The following SI variants were observed in gnomAD, a reference collection of about 807,000 sequenced individuals.
SI encodes the protein sucrase-isomaltase.
In SI, 235 loss-of-function variants were observed where a neutral mutation model predicts 253.3. The observed-to-expected ratio is 0.93, with a 90% CI of 0.83 to 1.03. The LOEUF is 1.03. Ranked by LOEUF, SI falls within the 50% of genes least tolerant of loss-of-function variation. The pLI is 0.00. For missense variants in SI, 2,442 were observed against 2,211.1 expected (o/e 1.10, Z -2.09); for synonymous variants, 819 against 712.0 (o/e 1.15, Z -2.39).
chr3:165,005,030 T>C (rs1290720356), intron 37 of SI, among the ~76,000 whole-genome samples: 1 of 152,112 alleles, frequency 6.6e-6, no homozygotes, highest in Non-Finnish European at 1.5e-5. Flanking sequence ...TATCTCTGTC[T>C]CCTAAAGTCA....
rs769716731 is a variant in SI at position 165,006,904 on chromosome 3, C to T, written c.4318G>A (p.Ala1440Thr). The T allele has an allele frequency of 5.0e-6, 8 of 1,611,702 alleles. No individual in the cohort carries two copies. The highest frequency in any genetic ancestry group is 5.9e-6 in the Non-Finnish European group (7 of 1,178,260). The change falls in exon 37 of 48, where the codon GCT becomes ACT. Residue 1440 changes from alanine to threonine, a missense_variant. Coordinates refer to ENST00000264382, the MANE Select transcript of SI (RefSeq NM_001041.4). Reference protein sequence around the residue: ...GLHFRTICMEAEQILSDGTSV... With the variant: ...GLHFRTICMETEQILSDGTSV... ...GTTCCATCACTAAGAATCTGCTCAGCTTCCATGCAAATTGTTCTGAAATGT... is the reference window on the plus strand; with the variant it reads ...GTTCCATCACTAAGAATCTGCTCAGTTTCCATGCAAATTGTTCTGAAATGT...
Position 165,030,842 on chromosome 3 carries a change from A to C in SI, c.2762T>G (p.Leu921Arg). 1 of 1,571,942 alleles carries C rather than the reference A, an allele frequency of 6.4e-7. No individual in the cohort carries two copies. The highest frequency in any genetic ancestry group is 8.6e-7 in the Non-Finnish European group (1 of 1,156,492). Residue 921 changes from leucine to arginine, a missense_variant, in exon 25 of 48, where the codon CTT becomes CGT. Transcript: ENST00000264382. ...NQVLLIADLK[L>R]NLGRNFSVQW... is the part of the protein sequence containing the mutation. ...AACACTAAAGTTTCTTCCAAGATTA[A>C]GTTTGAGATCTGCAATTAGGAGAAC...
intron 46 of SI, 35 bp downstream of exon 46, chr3:164,982,967 C>A (rs1158405822): frequency 1.9e-6 from 3 of 1,541,174 alleles, no homozygotes; most frequent in South Asian, 2.2e-5. Flanking sequence ...TTCAAATATT[C>A]CTTAACAGAA....
chr3:165,019,474 G>C, intron 28 of SI, 128 bp downstream of exon 28: 8 of 872,074 alleles, frequency 9.2e-6, no homozygotes, highest in Non-Finnish European at 1.3e-5. Flanking sequence ...TGCTATAGCT[G>C]CTCTGGAGAT....
At chr3:165,036,887 T>TA (rs1010553748) in intron 21 of SI, among the ~76,000 whole-genome samples, 39 of 151,880 alleles carry the variant, frequency 2.6e-4, no homozygotes, top group African/African-American at 8.4e-4. Flanking sequence ...GATTAAAATT[T>TA]AAAAAAAGTT....
intron 26 of SI, among the ~76,000 whole-genome samples, chr3:165,022,830 C>T (rs999743719): frequency 2.0e-5 from 3 of 151,548 alleles, no homozygotes; most frequent in African/African-American, 7.3e-5. Context: ...TATGAAAATA[C>T]TTTAAAAGCA....
In SI at chr3:165,019,688, C is replaced by CAT; in HGVS notation, c.3335_3336dup (p.Gly1113MetfsTer15). The CAT allele has an allele frequency of 6.2e-7, 1 of 1,612,522 alleles. No individual in the cohort carries two copies. Among genetic ancestry groups the CAT allele is most frequent in the Non-Finnish European group, 8.5e-7 (1 of 1,179,024 alleles). The stretch of plus-strand genomic sequence containing the variant: ...GCTGTATGTTCCACTTCCCCAAAAC[C>CAT]ATATATATATTCTGATGGCAGGCGA... On this transcript the variant is annotated frameshift_variant, in exon 28 of 48. Coordinates refer to ENST00000264382, the MANE Select transcript of SI (RefSeq NM_001041.4). LOFTEE classifies it high-confidence loss of function.
At chr3:165,036,814 C>G (rs1462033806) in intron 21 of SI, among the ~76,000 whole-genome samples, 5 of 151,576 alleles carry the variant, frequency 3.3e-5, no homozygotes, top group African/African-American at 4.8e-5. Context: ...TAAGGCTCAA[C>G]TCAACCTGTG....
intron 22 of SI, among the ~76,000 whole-genome samples, chr3:165,033,665 C>T (rs1366398764): frequency 6.6e-6 from 1 of 151,274 alleles, no homozygotes; most frequent in Non-Finnish European, 1.5e-5. Context: ...ACATATTTGC[C>T]TTGCTTATTT....
At chr3:164,994,130 T>C (rs903574726) in intron 41 of SI, 127 bp downstream of exon 41, 1 of 757,512 alleles carries the variant, frequency 1.3e-6, no homozygotes. Flanking sequence ...TAATAAAAAA[T>C]GTGTGCTAAT....
At chr3:165,075,843 A>C (rs1714925985) in intron 2 of SI, 52 bp downstream of exon 2, 1 of 1,064,620 alleles carries the variant, frequency 9.4e-7, no homozygotes, top group African/African-American at 1.5e-5. Context: ...TTGTGGAGTA[A>C]CTTCCTCCTA....
intron 17 of SI, 43 bp from the exon 18 acceptor site, chr3:165,041,137 T>A (rs1576903881): frequency 6.3e-7 from 1 of 1,574,906 alleles, no homozygotes; most frequent in East Asian, 2.2e-5. Context: ...AGCTAAAGTA[T>A]GAGTGAAAAT....
chr3:165,060,991 A>G (rs1000127530), intron 9 of SI, among the ~76,000 whole-genome samples: 2 of 151,240 alleles, frequency 1.3e-5, no homozygotes, highest in Non-Finnish European at 3.0e-5. Context: ...ATGAAATACT[A>G]AACTTATTTC....
intron 34 of SI, among the ~76,000 whole-genome samples, chr3:165,012,112 A>G (rs1036750770): frequency 6.6e-5 from 10 of 152,122 alleles, no homozygotes; most frequent in African/African-American, 2.4e-4. Flanking sequence ...AATGTTTAGG[A>G]TGTTATACTG....
intron 16 of SI, among the ~76,000 whole-genome samples, chr3:165,043,809 T>C (rs1183500971): frequency 1.3e-5 from 2 of 152,028 alleles, no homozygotes; most frequent in Non-Finnish European, 2.9e-5. Context: ...TTCTTAACAG[T>C]ATAAATGACA....
chr3:164,994,340 T>A lies in SI; in HGVS notation c.4758A>T (p.Arg1586Ser). ...AEMSRNILNI[R>S]YTLLPYFYTQ... The stretch of plus-strand genomic sequence containing the variant: ...TGTAAAAATAGGGCAATAAGGTGTA[T>A]CTAATATTTAGAATATTCCTTGACA... Residue 1586 changes from arginine to serine, a missense_variant, in exon 41 of 48, where the codon AGA becomes AGT. By Grantham distance (110) the Arg-to-Ser change is moderately radical. Coordinates refer to ENST00000264382, the MANE Select transcript of SI (RefSeq NM_001041.4). The A allele has an allele frequency of 6.2e-7, 1 of 1,611,022 alleles. No homozygotes were observed. Among genetic ancestry groups the A allele is most frequent in the Non-Finnish European group, 8.5e-7 (1 of 1,177,802 alleles).
Position 165,015,964 on chromosome 3 carries a change from G to A in SI, c.3876C>T (p.Tyr1292=). The A allele has an allele frequency of 6.2e-7, 1 of 1,609,896 alleles. No individual in the cohort carries two copies. The highest frequency in any genetic ancestry group is 8.5e-7 in the Non-Finnish European group (1 of 1,176,374). The change falls in exon 32 of 48, where the codon TAC becomes TAT. Residue 1292 remains tyrosine, a synonymous_variant. Transcript: ENST00000264382. Reference sequence around the variant, plus strand: ...TCCAAGTACTGACCAGGATAATAATGTATCTCATTCCTTCTCCTCTTATTT... The same window carrying A: ...TCCAAGTACTGACCAGGATAATAATATATCTCATTCCTTCTCCTCTTATTT... ...VDKIRGEGMR[Y]IIILDPAISG...
rs557360149 is a variant in SI, at chr3:164,991,297, A to G, written c.5108+56T>C. ...TTCAAACCCTTTCTATTTCTTAACA[A>G]TGCTAGCATGATGTATCTCAAAATT... is the stretch of plus-strand genomic sequence containing the variant. On this transcript the variant is annotated intron_variant, in intron 44 of 47. Coordinates refer to ENST00000264382, the MANE Select transcript of SI (RefSeq NM_001041.4). 2.4e-5 allele frequency: 39 copies of G among 1,598,866 alleles called. 1 individual carries two copies. In the South Asian group the frequency reaches 4.1e-4, roughly 17 times the overall value.
At chr3:164,989,355 AG>A (rs1224127467) in intron 44 of SI, among the ~76,000 whole-genome samples, 1 of 136,254 alleles carries the variant, frequency 7.3e-6, no homozygotes, top group African/African-American at 2.8e-5. Flanking sequence ...GAGAGAAAGA[AG>A]AAAGAAAGAA....
Sources: gnomAD v4.1 joint callset for allele counts (sites outside exome capture counted in the v4.1 genomes callset) on GRCh38, gnomAD v4.1.1 for gene constraint, MANE v1.5 for transcripts, NCBI Gene and HGNC (gene_info 2026-07-23, HGNC 2026-07-21) for gene names.